The following FAT1 variants were observed in gnomAD, a reference collection of about 807,000 sequenced individuals.
The protein encoded by FAT1 is protocadherin Fat 1.
A neutral mutation model predicts 329.8 loss-of-function variants in FAT1; 171 were observed. The ratio of observed to expected loss-of-function variants is 0.52; its 90% CI spans 0.46 to 0.59. FAT1 has a LOEUF of 0.59. Among genes scored for constraint, FAT1 ranks in the 20% least tolerant of loss-of-function variants. The pLI, the probability that FAT1 is intolerant of heterozygous loss-of-function variation, is 0.00. For missense variants in FAT1, 5,672 were observed against 5,774.4 expected (o/e 0.98, Z 0.57); for synonymous variants, 2,233 against 2,228.6 (o/e 1.00, Z -0.06).
rs769432838 is a variant in FAT1, at chr4:186,621,203, G to C, written c.5383C>G (p.Arg1795Gly). Residue 1795 changes from arginine (R) to glycine (G), a missense_variant, in exon 10 of 27, where the codon CGA (arginine) becomes GGA (glycine). This residue lies in a region of FAT1 where 3,966 missense variants were observed against 3,915.2 expected (regional missense o/e 1.01). Transcript: ENST00000441802. Reference protein sequence around the residue: ...LTDRNVPLVIRAADADKDSNA... With the variant: ...LTDRNVPLVIGAADADKDSNA... The stretch of plus-strand genomic sequence containing the variant: ...GAGTCTTTATCAGCATCAGCTGCTC[G>C]AATCACCAGTGGGACATTCCTGTCT... The C allele has an allele frequency of 6.2e-7, 1 of 1,613,958 alleles. No homozygotes were observed. The highest frequency in any genetic ancestry group is 8.5e-7 in the Non-Finnish European group (1 of 1,179,880).
rs956830302 is a variant in FAT1, at chr4:186,624,871, C to A, written c.4811-3096G>T. 2.6e-5 allele frequency among the ~76,000 whole-genome samples: 4 copies of A among 152,220 alleles called. No homozygotes were observed. The East Asian group carries it at 5.8e-4, about 22-fold the overall frequency. On this transcript the variant is annotated intron_variant, in intron 9 of 26. Transcript: ENST00000441802. ...CCTCCATCTCCAACACATGCACACA[C>A]CCCTTCCACAAAATTCTACTGCATT...
chr4:186,655,071 ACTAT>A (rs1236707229), intron 3 of FAT1, among the ~76,000 whole-genome samples: 7 of 152,210 alleles, frequency 4.6e-5, no homozygotes, highest in African/African-American at 1.7e-4. Flanking sequence ...TGAATTGTGT[ACTAT>A]GTGATTGCAT....
rs11726473 is a variant in FAT1, at chr4:186,610,613, A to T, written c.9854-598T>A. On this transcript the variant is annotated intron_variant, in intron 14 of 26. Coordinates refer to ENST00000441802, the MANE Select transcript of FAT1 (RefSeq NM_005245.4). ...ATTATATAAATATAAATTTATATAA[A>T]TTATATAAATATAAATTATATAATT... Among the ~76,000 whole-genome samples the T allele has an allele frequency of 3.2e-3, 413 of 127,738 alleles. 4 individuals carry two copies. The highest frequency in any genetic ancestry group is 0.016 in the Middle Eastern group (4 of 254). 83.8% of individuals were successfully genotyped at this position (127,738 alleles called of 152,430 possible). A position where few individuals can be genotyped will look rare whatever the true frequency, so the allele number is the denominator to read the frequency against.
chr4:186,621,074 CAT>C lies in FAT1; in HGVS notation c.5510_5511del (p.Tyr1837Ter). The stretch of plus-strand genomic sequence containing the variant: ...GTAAAGTGAAAAATACTTGTTTCTT[CAT>C]AGTCCAGACTTAGTACTGTATGAAT... ...GAIHTVLSLD[Y>X]EETSIFHFTV... On this transcript the variant is annotated frameshift_variant, in exon 10 of 27. Transcript: ENST00000441802. LOFTEE classifies it high-confidence loss of function. The C allele has an allele frequency of 1.2e-6, 2 of 1,613,400 alleles. No homozygotes were observed. Among genetic ancestry groups the C allele is most frequent in the Non-Finnish European group, 1.7e-6 (2 of 1,179,892 alleles).
In FAT1 at chr4:186,596,581, C is replaced by T. The variant is rs750352967; in HGVS notation, c.12959G>A (p.Ser4320Asn). The T allele has an allele frequency of 3.1e-6, 5 of 1,613,146 alleles. No homozygotes were observed. The highest frequency in any genetic ancestry group is 4.2e-6 in the Non-Finnish European group (5 of 1,179,646). The change falls in exon 25 of 27, where the codon AGC becomes AAC. Residue 4320 changes from serine to asparagine, a missense_variant. By Grantham distance (46) the Ser-to-Asn change is conservative. Around this residue, in one of 2 missense-constraint regions of FAT1, gnomAD observed 1,706 missense variants for 1,859.1 expected, o/e 0.92. Coordinates refer to ENST00000441802, the MANE Select transcript of FAT1 (RefSeq NM_005245.4). The surrounding 1 kb of genome is among the most constrained non-coding windows in gnomAD (Gnocchi z 4.7). The part of the protein sequence containing the change: ...PPPPSNSPSD[S>N]DSIQKPSWDF... ...CCAGCTAGGCTTCTGGATGGAGTCG[C>T]TGTCAGAAGGGGAGTTTGAAGGGGG...
chr4:186,690,170 G>C (rs2126658151), intron 2 of FAT1, among the ~76,000 whole-genome samples: 1 of 152,278 alleles, frequency 6.6e-6, no homozygotes, highest in East Asian at 1.9e-4. Flanking sequence ...GCAAACACTT[G>C]AGACTACAGA....
intron 17 of FAT1, 105 bp from the exon 18 acceptor site, chr4:186,604,679 A>C (rs1739008305): frequency 1.4e-6 from 1 of 710,326 alleles, no homozygotes; most frequent in African/African-American, 1.8e-5. Flanking sequence ...ATACAAAACA[A>C]AGCCTTTCTG....
intron 2 of FAT1, among the ~76,000 whole-genome samples, chr4:186,671,164 T>C (rs1742709305): frequency 1.3e-5 from 2 of 152,202 alleles, no homozygotes; most frequent in African/African-American, 4.8e-5. Context: ...CTCGTTTTCA[T>C]TAAATACTAG....
Position 186,617,025 on chromosome 4 carries a change from T to G in FAT1, c.9055A>C (p.Asn3019His). The G allele has an allele frequency of 1.9e-6, 3 of 1,613,568 alleles. No homozygotes were observed. Among genetic ancestry groups the G allele is most frequent in the Non-Finnish European group, 2.5e-6 (3 of 1,179,770 alleles). ...VEVKVLDANDNSPVCEKTLYS... is the reference protein window; with the variant it reads ...VEVKVLDANDHSPVCEKTLYS... ...CTTACCTTTTCACAAACTGGACTGT[T>G]GTCATTTGCATCCAGAACTTTCACT... Residue 3019 changes from asparagine (N) to histidine (H), a missense_variant, in exon 11 of 27, where the codon AAC (asparagine) becomes CAC (histidine). Around this residue, in one of 2 missense-constraint regions of FAT1, gnomAD observed 3,966 missense variants for 3,915.2 expected, o/e 1.01. Transcript: ENST00000441802.
At chr4:186,635,572 C>T (rs935965519) in intron 6 of FAT1, among the ~76,000 whole-genome samples, 1 of 152,102 alleles carries the variant, frequency 6.6e-6, no homozygotes, top group Non-Finnish European at 1.5e-5. Flanking sequence ...AGCTTATTCC[C>T]TATTAAATAT....
In FAT1 at chr4:186,599,960, G is replaced by A. The variant is rs760053140; in HGVS notation, c.12041C>T (p.Thr4014Met). Residue 4014 changes from threonine (T) to methionine (M), a missense_variant, in exon 22 of 27, where the codon ACG becomes ATG. Around this residue, in one of 2 missense-constraint regions of FAT1, gnomAD observed 1,706 missense variants for 1,859.1 expected, o/e 0.92. Transcript: ENST00000441802. ...GCAAGGGTTGCTGGCGCAGTCTTCCGTGGCCGTCAGGAAGCAGCCTGGAGA... is the reference window on the plus strand; with the variant it reads ...GCAAGGGTTGCTGGCGCAGTCTTCCATGGCCGTCAGGAAGCAGCCTGGAGA... The part of the protein sequence containing the change: ...DVSPGCFLTA[T>M]EDCASNPCQN... 4.3e-6 allele frequency: 7 copies of A among 1,613,844 alleles called. No homozygotes were observed. The highest frequency in any genetic ancestry group is 2.7e-5 in the African/African-American group (2 of 74,928).
At position 186,668,057 on chromosome 4, in the gene FAT1, G is replaced by A. The variant is rs115926670; in HGVS notation, c.3266-4444C>T. Among the ~76,000 whole-genome samples the A allele has an allele frequency of 1.1e-3, 165 of 152,266 alleles. 1 individual carries two copies. Among genetic ancestry groups the A allele is most frequent in the African/African-American group, 3.7e-3 (154 of 41,546 alleles). On this transcript the variant is annotated intron_variant, in intron 2 of 26. Coordinates refer to ENST00000441802, the MANE Select transcript of FAT1 (RefSeq NM_005245.4). ...TCCTCATGCATGCAGGACAACAGAC[G>A]GGAGACGATCTGAGGATTCCGCTCA... is the stretch of plus-strand genomic sequence containing the variant.
intron 3 of FAT1, among the ~76,000 whole-genome samples, chr4:186,647,732 A>G (rs1051554395): frequency 6.6e-5 from 10 of 152,124 alleles, no homozygotes; most frequent in African/African-American, 2.4e-4. Context: ...CATATATTCT[A>G]CTTGATACTA....
intron 2 of FAT1, among the ~76,000 whole-genome samples, chr4:186,690,641 G>A (rs1416073894): frequency 2.6e-5 from 4 of 151,876 alleles, no homozygotes; most frequent in Non-Finnish European, 5.9e-5. Flanking sequence ...AGTGAGCAGA[G>A]ATCACGCTAC....
intron 2 of FAT1, among the ~76,000 whole-genome samples, chr4:186,706,266 G>A (rs1744584834): frequency 6.6e-6 from 1 of 152,152 alleles, no homozygotes; most frequent in Non-Finnish European, 1.5e-5. Context: ...TGATAATAGA[G>A]TTCAAAATAG....
intron 2 of FAT1, among the ~76,000 whole-genome samples, chr4:186,681,777 C>T (rs952806215): frequency 6.6e-6 from 1 of 152,186 alleles, no homozygotes; most frequent in African/African-American, 2.4e-5. Context: ...TGAAGAGCTA[C>T]TTTTATAAAA....
Position 186,617,082 on chromosome 4 carries a change from C to G in FAT1, c.8998G>C (p.Asp3000His). Residue 3000 changes from aspartate to histidine, a missense_variant, in exon 11 of 27, where the codon GAT becomes CAT. Physicochemically the swap from Asp to His is moderately conservative, Grantham distance 81. Coordinates refer to ENST00000441802, the MANE Select transcript of FAT1 (RefSeq NM_005245.4). ...DNYLLTITAT[D>H]GTFSSKAIVE... is the part of the protein sequence containing the mutation. ...ATCGCTTTTGATGAGAAGGTGCCAT[C>G]AGTTGCCGTGATAGTAAGAAGGTAA... The G allele has an allele frequency of 6.2e-7, 1 of 1,614,018 alleles. No individual in the cohort carries two copies. Among genetic ancestry groups the G allele is most frequent in the Non-Finnish European group, 8.5e-7 (1 of 1,179,900 alleles).
At chr4:186,630,700 A>G (rs1000096392) in intron 7 of FAT1, among the ~76,000 whole-genome samples, 3 of 151,968 alleles carry the variant, frequency 2.0e-5, no homozygotes, top group South Asian at 2.1e-4. Flanking sequence ...AGACCTCCAA[A>G]AGGACGATTA....
At chr4:186,705,763 G>T (rs1051409941) in intron 2 of FAT1, among the ~76,000 whole-genome samples, 3 of 152,188 alleles carry the variant, frequency 2.0e-5, no homozygotes, top group Non-Finnish European at 4.4e-5. Context: ...TTCTAGCTTG[G>T]ACTGCTGCCT....
Sources: gnomAD v4.1 joint callset for allele counts (sites outside exome capture counted in the v4.1 genomes callset) on GRCh38, gnomAD v4.1.1 for gene constraint, gnomAD v4.1.1 regional missense constraint, Gnocchi (gnomAD v3.1) non-coding constraint, MANE v1.5 for transcripts, NCBI Gene and HGNC (gene_info 2026-07-23, HGNC 2026-07-21) for gene names.